Variants in RPGR observed in about 807,000 individuals in gnomAD.
The protein encoded by RPGR is X-linked retinitis pigmentosa GTPase regulator.
RPGR carries 10 observed loss-of-function variants against 56.3 expected under a neutral mutation model. That is an observed-to-expected ratio of 0.18 (90% CI 0.11 to 0.30). The LOEUF (loss-of-function observed/expected upper bound fraction) is 0.30. Among genes scored for constraint, RPGR ranks in the 10% least tolerant of loss-of-function variants. The pLI is 1.00. For synonymous variants in RPGR, 197 were observed against 212.9 expected, an observed-to-expected ratio of 0.93 and a Z score of 0.65; for missense variants, 538 against 590.9, an observed-to-expected ratio of 0.91 and a Z score of 0.93.
chrX:38,303,652 A>G (rs7057515), intron 8 of RPGR: 22,348 of 288,311 alleles, frequency 0.078, 906 homozygotes, highest in African/African-American at 0.18. Flanking sequence ...TTCATGATAC[A>G]TTCTCAAGAA....
chrX:38,324,351 C>T (rs1484548935), intron 1 of RPGR, among the ~76,000 whole-genome samples: 2 of 111,150 alleles, frequency 1.8e-5, no homozygotes, highest in Admixed American at 9.5e-5. Context: ...GCTCCTGCCT[C>T]GGCCTCCCTA....
chrX:38,269,860 T>C (rs775709413), intron 18 of RPGR: 1 of 1,026,601 alleles, frequency 9.7e-7, no homozygotes, highest in South Asian at 1.9e-5. Flanking sequence ...CACACAAATA[T>C]TCATTTCCAT....
chrX:38,290,833 C>T (rs1306993610), intron 13 of RPGR, 126 bp downstream of exon 13: 1 of 242,523 alleles, frequency 4.1e-6, no homozygotes, highest in Non-Finnish European at 8.2e-6. Flanking sequence ...ACATTGTATC[C>T]CTCTGTCTTT....
intron 15 of RPGR, among the ~76,000 whole-genome samples, chrX:38,282,394 C>T: frequency 9.0e-6 from 1 of 111,509 alleles, no homozygotes; most frequent in Non-Finnish European, 1.9e-5. Flanking sequence ...TGACATTTCT[C>T]TGAATTCTGT....
At chrX:38,291,057 G>T in intron 12 of RPGR, 33 bp from the exon 13 acceptor site, 3 of 551,910 alleles carry the variant, frequency 5.4e-6, no homozygotes, top group Non-Finnish European at 5.3e-6. Context: ...ATTATAAAAA[G>T]AATACAGTAT....
intron 3 of RPGR, among the ~76,000 whole-genome samples, chrX:38,321,362 A>C (rs2067937109): frequency 9.0e-6 from 1 of 111,425 alleles, no homozygotes; most frequent in Non-Finnish European, 1.9e-5. Context: ...TTATATATAT[A>C]ATTATAAACT....
chrX:38,294,946 A>G (rs2067349595), intron 11 of RPGR, among the ~76,000 whole-genome samples: 1 of 112,164 alleles, frequency 8.9e-6, no homozygotes. Context: ...GCCTCTGTAT[A>G]ATCTATATGG....
At chrX:38,309,408 G>T (rs1252696864) in intron 7 of RPGR, among the ~76,000 whole-genome samples, 3 of 112,342 alleles carry the variant, frequency 2.7e-5, no homozygotes, top group Non-Finnish European at 3.8e-5. Context: ...TGAACAAAAA[G>T]CTTCTCCAAA....
In RPGR at chrX:38,286,779, T is replaced by C. The variant is rs149101436; in HGVS notation, c.1905+315A>G. 22 of 1,149,373 alleles carry C rather than the reference T, an allele frequency of 1.9e-5. No homozygotes were observed. In the African/African-American group the frequency reaches 3.7e-4, roughly 19 times the overall value. 94.7% of individuals were successfully genotyped at this position (1,149,373 alleles called of 1,213,427 possible). A position where few individuals can be genotyped will look rare whatever the true frequency, so the allele number is the denominator to read the frequency against. ...CTTCCTCTTCTCTGTCTCCCTCCTCTTCTTCTCCTTCTCCATGCTCCTCCT... is the reference window on the plus strand; with the variant it reads ...CTTCCTCTTCTCTGTCTCCCTCCTCCTCTTCTCCTTCTCCATGCTCCTCCT... On this transcript the variant is annotated intron_variant, in intron 15 of 18. Transcript: ENST00000642395.
In RPGR at chrX:38,269,832, T is replaced by C. The variant is rs2066803160; in HGVS notation, c.2242A>G (p.Ile748Val). The C allele has an allele frequency of 5.9e-6, 7 of 1,179,372 alleles. No homozygotes were observed. The South Asian group carries it at 8.9e-5, about 15-fold the overall frequency. ...GAGGGGACTCTTTTGAACAGAAAAA[T>C]CTAGGAAAAAAACCACACACACAAA... Residue 748 changes from isoleucine to valine, a missense_variant and splice_region_variant, in exon 19 of 19, where the codon ATT becomes GTT. Coordinates refer to ENST00000642395, the MANE Select transcript of RPGR (RefSeq NM_000328.3).
chrX:38,320,998 C>CT (rs781027107), intron 4 of RPGR, 29 bp downstream of exon 4: 14 of 1,125,352 alleles, frequency 1.2e-5, no homozygotes, highest in Non-Finnish European at 1.7e-5. Flanking sequence ...CAAAGTCAGG[C>CT]AGGAAATCAT....
intron 17 of RPGR, chrX:38,274,066 G>T (rs758552698): frequency 1.8e-5 from 2 of 112,459 alleles, no homozygotes; most frequent in East Asian, 5.6e-4. Context: ...CAGGATTAAG[G>T]AAACTATTCA....
At position 38,315,820 on chromosome X, in the gene RPGR, C is replaced by CAT. The variant is rs1175539921; in HGVS notation, c.619+1494_619+1495dup. On this transcript the variant is annotated intron_variant, in intron 6 of 18. Transcript: ENST00000642395. ...ACATCTCAGGTATTCCATATATATACATATATATATATATATATAGAGAGA... is the reference window on the plus strand; with the variant it reads ...ACATCTCAGGTATTCCATATATATACATATATATATATATATATATAGAGAGA... Among the ~76,000 whole-genome samples, 694 of 92,065 alleles carry CAT rather than the reference C, an allele frequency of 7.5e-3. 6 individuals carry two copies. The highest frequency in any genetic ancestry group is 0.02 in the East Asian group (64 of 3,146). 79.9% of individuals were successfully genotyped at this position (92,065 alleles called of 115,157 possible). A position where few individuals can be genotyped will look rare whatever the true frequency, so the allele number is the denominator to read the frequency against.
At chrX:38,301,138 T>A (rs1015657757) in intron 9 of RPGR, 109 bp downstream of exon 9, 1 of 650,751 alleles carries the variant, frequency 1.5e-6, no homozygotes, top group Admixed American at 3.8e-5. Flanking sequence ...ATTAGATATA[T>A]ATATGATACT....
intron 15 of RPGR, among the ~76,000 whole-genome samples, chrX:38,277,508 ACT>A (rs1347140950): frequency 1.8e-5 from 2 of 110,179 alleles, no homozygotes; most frequent in Non-Finnish European, 3.8e-5. Context: ...TGGGTGAAAT[ACT>A]CTGATTGTCA....
At chrX:38,302,637 G>A (rs1300031401) in intron 8 of RPGR, 1 of 110,166 alleles carries the variant, frequency 9.1e-6, no homozygotes, top group South Asian at 3.9e-4. Flanking sequence ...GGTTTAAGAC[G>A]GCAAAGTGAC....
chrX:38,277,283 G>C (rs970590134), intron 15 of RPGR, among the ~76,000 whole-genome samples: 1 of 111,543 alleles, frequency 9.0e-6, no homozygotes, highest in Non-Finnish European at 1.9e-5. Flanking sequence ...TAAATGGTTT[G>C]CTCATGGTTA....
intron 4 of RPGR, 115 bp from the exon 5 acceptor site, chrX:38,319,102 T>C: frequency 1.3e-6 from 1 of 755,060 alleles, no homozygotes; most frequent in Non-Finnish European, 2.0e-6. Context: ...AAGCTATCAC[T>C]ATCCTATTAT....
At chrX:38,318,360 G>C (rs927673511) in intron 5 of RPGR, among the ~76,000 whole-genome samples, 1 of 108,887 alleles carries the variant, frequency 9.2e-6, no homozygotes, top group African/African-American at 3.3e-5. Flanking sequence ...AGCTGATCTT[G>C]GCTCCAAATT....
Sources: gnomAD v4.1 joint callset for allele counts (sites outside exome capture counted in the v4.1 genomes callset) on GRCh38, gnomAD v4.1.1 for gene constraint, MANE v1.5 for transcripts, NCBI Gene and HGNC (gene_info 2026-07-23, HGNC 2026-07-21) for gene names.